Variants in MPP7 observed in about 807,000 individuals in gnomAD.
MPP7 encodes MAGUK p55 scaffold protein 7, also known as MAGUK p55 subfamily member 7.
MPP7 carries 60 observed loss-of-function variants against 76.5 expected under a neutral mutation model. That is an observed-to-expected ratio of 0.78 (90% CI 0.64 to 0.97). The LOEUF (loss-of-function observed/expected upper bound fraction) is 0.97, where lower values mean the gene tolerates loss of function less well. Among genes scored for constraint, MPP7 ranks in the 50% least tolerant of loss-of-function variants. MPP7 has a pLI of 0.00. For missense variants in MPP7, 641 were observed against 694.0 expected, an observed-to-expected ratio of 0.92 and a Z score of 0.86; for synonymous variants, 237 against 244.5, an observed-to-expected ratio of 0.97 and a Z score of 0.29.
At chr10:28,118,880 A>T (rs1311326979) in intron 11 of MPP7, 1 of 985,396 alleles carries the variant, frequency 1.0e-6, no homozygotes, top group Non-Finnish European at 1.2e-6. Context: ...TTCCAGGGCC[A>T]TTTATTTGGT....
At chr10:28,276,351 C>T (rs1301678240) in intron 1 of MPP7, among the ~76,000 whole-genome samples, 1 of 152,000 alleles carries the variant, frequency 6.6e-6, no homozygotes, top group African/African-American at 2.4e-5. Flanking sequence ...CTTTTTACAA[C>T]AAGTATAAAC....
chr10:28,103,102 T>C (rs1853904430), intron 11 of MPP7, among the ~76,000 whole-genome samples: 1 of 151,780 alleles, frequency 6.6e-6, no homozygotes, highest in African/African-American at 2.4e-5. Flanking sequence ...GCACAATGCG[T>C]CCTGTCTCAG....
At chr10:28,103,613 C>T (rs574046218) in intron 11 of MPP7, among the ~76,000 whole-genome samples, 1 of 152,186 alleles carries the variant, frequency 6.6e-6, no homozygotes, top group South Asian at 2.1e-4. Context: ...TACCATCTAA[C>T]GAATTATTCA....
At chr10:28,262,231 ATATATATATATACATATATATATATATG>A (rs1839997485) in intron 1 of MPP7, among the ~76,000 whole-genome samples, 1 of 75,120 alleles carries the variant, frequency 1.3e-5, no homozygotes, top group East Asian at 1.1e-3. Context: ...ATATACATAT[ATATATATATATACATATATATATATATG>A]TATATATATA....
chr10:28,294,219 A>G (rs1325488073), intron 1 of MPP7, among the ~76,000 whole-genome samples: 1 of 152,212 alleles, frequency 6.6e-6, no homozygotes, highest in Non-Finnish European at 1.5e-5. Flanking sequence ...AGGCAGGAGA[A>G]TGGCGTGAAG....
chr10:28,315,777 T>A (rs949119766), intron 2 of MPP7, among the ~76,000 whole-genome samples: 10 of 151,790 alleles, frequency 6.6e-5, no homozygotes, highest in African/African-American at 2.2e-4. Context: ...CTTCCAAGAG[T>A]ATAACACAGA....
intron 3 of MPP7, among the ~76,000 whole-genome samples, chr10:28,190,042 T>A (rs991187127): frequency 1.3e-5 from 2 of 152,238 alleles, no homozygotes; most frequent in African/African-American, 4.8e-5. Context: ...ATTCCCAACA[T>A]GGCAAATTGG....
chr10:28,108,897 A>G (rs1267841657), intron 11 of MPP7, among the ~76,000 whole-genome samples: 1 of 152,126 alleles, frequency 6.6e-6, no homozygotes, highest in South Asian at 2.1e-4. Flanking sequence ...GCCAGTACAG[A>G]TTAGAAAGTT....
At chr10:28,067,547 G>T (rs1358469178) in intron 13 of MPP7, among the ~76,000 whole-genome samples, 1 of 152,150 alleles carries the variant, frequency 6.6e-6, no homozygotes, top group African/African-American at 2.4e-5. Context: ...GTAAATCAGA[G>T]TGAAAAATAA....
chr10:28,275,682 C>A (rs1840471942), intron 1 of MPP7, among the ~76,000 whole-genome samples: 1 of 152,032 alleles, frequency 6.6e-6, no homozygotes. Context: ...GCTGGGAGTA[C>A]AGGCTTGAGC....
At chr10:28,165,448 C>T (rs1446928161) in intron 3 of MPP7, among the ~76,000 whole-genome samples, 2 of 151,570 alleles carry the variant, frequency 1.3e-5, no homozygotes, top group Non-Finnish European at 2.9e-5. Flanking sequence ...ATTGCTTAAG[C>T]CCAGGAATTC....
At chr10:28,317,590 T>C (rs1834335438) in intron 2 of MPP7, among the ~76,000 whole-genome samples, 2 of 152,234 alleles carry the variant, frequency 1.3e-5, no homozygotes, top group Admixed American at 1.3e-4. Context: ...CAAGTAGTCA[T>C]GTCAGCTCTC....
rs144545821 is a variant in MPP7 at position 28,120,229 on chromosome 10, C to T, written c.852G>A (p.Arg284=). Residue 284 remains arginine, a synonymous_variant, in exon 10 of 17, where the codon AGG becomes AGA. Coordinates refer to ENST00000683449, the MANE Select transcript of MPP7 (RefSeq NM_001318170.2). ...QAKHEADANP[R]AGLIPSKHFQ... Reference sequence around the variant, plus strand: ...AATGCTTTGAGGGGATCAAGCCTGCCCTGGGGTTGGCATCAGCTTCGTGTT... The same window carrying T: ...AATGCTTTGAGGGGATCAAGCCTGCTCTGGGGTTGGCATCAGCTTCGTGTT... 2.5e-6 allele frequency: 4 copies of T among 1,613,924 alleles called. No individual in the cohort carries two copies. Among genetic ancestry groups the T allele is most frequent in the Non-Finnish European group, 3.4e-6 (4 of 1,179,890 alleles).
chr10:28,191,262 A>G (rs1348718354), intron 3 of MPP7, among the ~76,000 whole-genome samples: 1 of 152,184 alleles, frequency 6.6e-6, no homozygotes, highest in Non-Finnish European at 1.5e-5. Context: ...GAAAATAGCA[A>G]GCAGAGTATA....
At chr10:28,192,342 T>C (rs1159153648) in intron 3 of MPP7, among the ~76,000 whole-genome samples, 1 of 152,172 alleles carries the variant, frequency 6.6e-6, no homozygotes, top group Non-Finnish European at 1.5e-5. Context: ...AAAACTGTCT[T>C]TGTTTACAGA....
At chr10:28,117,576 G>C (rs1038166809) in intron 11 of MPP7, among the ~76,000 whole-genome samples, 1 of 152,068 alleles carries the variant, frequency 6.6e-6, no homozygotes, top group African/African-American at 2.4e-5. Flanking sequence ...TAGTGGATCA[G>C]ATGGCCTTTA....
At chr10:28,062,531 AACACACACACACACAC>A (rs56923979) in intron 13 of MPP7, among the ~76,000 whole-genome samples, 2,863 of 132,360 alleles carry the variant, frequency 0.022, 56 homozygotes, top group African/African-American at 0.054. Context: ...CATAATAGTA[AACACACACACACACAC>A]ACACACACAC....
intron 1 of MPP7, among the ~76,000 whole-genome samples, chr10:28,271,740 C>G (rs919531296): frequency 6.6e-6 from 1 of 152,136 alleles, no homozygotes; most frequent in Non-Finnish European, 1.5e-5. Flanking sequence ...CTTTGGGAGG[C>G]TGAAGCAGGT....
chr10:28,095,256 T>C (rs1411324652), intron 11 of MPP7, among the ~76,000 whole-genome samples: 3 of 150,188 alleles, frequency 2.0e-5, no homozygotes, highest in Non-Finnish European at 4.4e-5. Flanking sequence ...GACATATATA[T>C]GTATACACAT....
Sources: allele counts gnomAD v4.1 joint callset (sites outside exome capture counted in the v4.1 genomes callset), GRCh38; gene constraint gnomAD v4.1.1; transcripts MANE v1.5; gene names NCBI Gene and HGNC (gene_info 2026-07-23, HGNC 2026-07-21).